AK8: variants seen among roughly 807,000 people sequenced by gnomAD.
The protein encoded by AK8 is adenylate kinase 8, also known as ATP-AMP transphosphorylase 8.
Under a neutral mutation model 54.6 loss-of-function variants are expected in AK8, and 44 were observed. The ratio of observed to expected loss-of-function variants is 0.81; its 90% CI spans 0.63 to 1.04. AK8 has a LOEUF of 1.04. Among genes scored for constraint, AK8 ranks in the 50% least tolerant of loss-of-function variants. The pLI is 0.00. For synonymous variants in AK8, 239 were observed against 245.6 expected (o/e 0.97, Z 0.25); for missense variants, 555 against 613.6 (o/e 0.90, Z 1.01).
chr9:132,761,316 G>T (rs1838463136), intron 11 of AK8, among the ~76,000 whole-genome samples: 1 of 145,706 alleles, frequency 6.9e-6, no homozygotes, highest in Admixed American at 7.0e-5. Context: ...ACCCAGGCTG[G>T]AGTGCAGTGG....
chr9:132,828,782 A>G lies in AK8; in HGVS notation c.403-56T>C. On this transcript the variant is annotated intron_variant, in intron 5 of 12. Coordinates refer to ENST00000298545, the MANE Select transcript of AK8 (RefSeq NM_152572.3). ...TGTTTTGAGTTTTAGATTTTTTGGA[A>G]TTATTTTAAAAGGAATATAATAGCT... 2.1e-6 allele frequency: 3 copies of G among 1,412,186 alleles called. No individual in the cohort carries two copies. In the South Asian group the frequency reaches 4.0e-5, roughly 19 times the overall value. 87.5% of individuals were successfully genotyped at this position (1,412,186 alleles called of 1,614,324 possible).
intron 2 of AK8, among the ~76,000 whole-genome samples, chr9:132,868,676 C>A (rs764456003): frequency 7.9e-5 from 12 of 152,190 alleles, no homozygotes; most frequent in Non-Finnish European, 1.6e-4. Context: ...AGGGCAGAGA[C>A]CGAGTCTTAT....
chr9:132,798,602 T>C (rs1564406825), intron 10 of AK8, among the ~76,000 whole-genome samples: 1 of 152,204 alleles, frequency 6.6e-6, no homozygotes, highest in Non-Finnish European at 1.5e-5. Context: ...GTTACCTCTC[T>C]GGAGTGTTCT....
chr9:132,873,292 A>G (rs1843936870), intron 2 of AK8, among the ~76,000 whole-genome samples: 1 of 152,236 alleles, frequency 6.6e-6, no homozygotes, highest in Non-Finnish European at 1.5e-5. Flanking sequence ...TACTGACCAG[A>G]CCAGAGTTTC....
intron 10 of AK8, among the ~76,000 whole-genome samples, chr9:132,795,899 GC>G (rs1431568786): frequency 2.0e-5 from 3 of 152,162 alleles, no homozygotes; most frequent in African/African-American, 7.2e-5. Context: ...AATAATCCAG[GC>G]CCACTAAGGC....
intron 1 of AK8, chr9:132,877,639 CG>C: frequency 3.0e-6 from 1 of 331,572 alleles, no homozygotes; most frequent in Non-Finnish European, 6.1e-6. Context: ...TCGGAGCTGC[CG>C]GGGACGTCTG....
intron 9 of AK8, among the ~76,000 whole-genome samples, chr9:132,816,951 G>A (rs1006902964): frequency 6.6e-6 from 1 of 152,176 alleles, no homozygotes; most frequent in South Asian, 2.1e-4. Flanking sequence ...AAATCTCATA[G>A]GGGTTCACTG....
At chr9:132,877,408 G>A (rs1315616953) in intron 1 of AK8, among the ~76,000 whole-genome samples, 1 of 152,146 alleles carries the variant, frequency 6.6e-6, no homozygotes, top group Non-Finnish European at 1.5e-5. Context: ...GGGATGGGGT[G>A]TACCCTGGGA....
intron 11 of AK8, among the ~76,000 whole-genome samples, chr9:132,733,299 G>A (rs906430537): frequency 2.0e-5 from 3 of 151,456 alleles, no homozygotes; most frequent in Non-Finnish European, 4.4e-5. Flanking sequence ...CATCCCTGAC[G>A]CTGTGAACAC....
chr9:132,826,761 GCCA>G lies in AK8; in HGVS notation c.757+90_757+92del, dbSNP rs1315503116. On this transcript the variant is annotated intron_variant, in intron 8 of 12. Coordinates refer to ENST00000298545, the MANE Select transcript of AK8 (RefSeq NM_152572.3). This position sits in a 1 kb window ranked among gnomAD's most constrained non-coding sequence, Gnocchi z 4.5. ...GGTCCCAGGCATGTCCCAGACACTG[GCCA>G]CTACCAGAATAAGGGACAAAGTGGT... 11 of 1,403,156 alleles carry G rather than the reference GCCA, an allele frequency of 7.8e-6. No individual in the cohort carries two copies. The East Asian group carries it at 2.3e-4, about 29-fold the overall frequency. 86.9% of individuals were successfully genotyped at this position (1,403,156 alleles called of 1,614,324 possible).
intron 2 of AK8, 94 bp from the exon 3 acceptor site, chr9:132,867,047 A>T (rs1843629579): frequency 8.0e-7 from 1 of 1,255,198 alleles, no homozygotes; most frequent in African/African-American, 1.5e-5. Context: ...CTCCCTCCCT[A>T]GATTTCATTT....
chr9:132,863,855 TC>T (rs1843486979), intron 3 of AK8, 77 bp from the exon 4 acceptor site: 3 of 1,075,306 alleles, frequency 2.8e-6, no homozygotes. Context: ...AATGCCCTGG[TC>T]CTTCCCTCTC....
intron 5 of AK8, among the ~76,000 whole-genome samples, chr9:132,847,844 G>C (rs1463103833): frequency 2.6e-5 from 4 of 152,094 alleles, no homozygotes; most frequent in Non-Finnish European, 5.9e-5. Context: ...AGCCGGGCAT[G>C]GTGGTGCGCG....
chr9:132,740,097 C>T (rs1055381388), intron 11 of AK8, among the ~76,000 whole-genome samples: 1 of 152,244 alleles, frequency 6.6e-6, no homozygotes, highest in Admixed American at 6.5e-5. Flanking sequence ...CACATTCAGA[C>T]CTCAGCAGCT....
chr9:132,848,115 C>CAA lies in AK8; in HGVS notation c.402+6740_402+6741dup, dbSNP rs796764891. ...TGGGCAACAGAGCAACACCCTGTTT[C>CAA]AAAAAAAAAAAAAAAAAAAAAAAAA... On this transcript the variant is annotated intron_variant, in intron 5 of 12. Transcript: ENST00000298545. 6.1e-3 allele frequency among the ~76,000 whole-genome samples: 319 copies of CAA among 52,480 alleles called. 30 individuals are homozygous for CAA. Among genetic ancestry groups the CAA allele is most frequent in the African/African-American group, 0.019 (260 of 13,818 alleles). 34.4% of individuals were successfully genotyped at this position (52,480 alleles called of 152,430 possible).
At chr9:132,726,221 T>C (rs1236750437) in intron 12 of AK8, among the ~76,000 whole-genome samples, 1 of 150,058 alleles carries the variant, frequency 6.7e-6, no homozygotes. Context: ...CTTCCCTCCT[T>C]CCTTCCTTCC....
intron 5 of AK8, among the ~76,000 whole-genome samples, chr9:132,840,439 C>T (rs1842493514): frequency 6.6e-6 from 1 of 151,840 alleles, no homozygotes; most frequent in African/African-American, 2.4e-5. Flanking sequence ...CACACACACA[C>T]ACACACACAA....
At chr9:132,731,719 C>G (rs540414089) in intron 11 of AK8, among the ~76,000 whole-genome samples, 3 of 152,190 alleles carry the variant, frequency 2.0e-5, no homozygotes. Flanking sequence ...TTCTTGAGAG[C>G]TCAGCTCTCT....
chr9:132,828,732 CAG>C lies in AK8; in HGVS notation c.403-8_403-7del. Reference sequence around the variant, plus strand: ...ATGCCATCCAGAATCCAGCCCTAGACAGAAGATTCAGAGAGGTGCTCATCTGT... The same window carrying C: ...ATGCCATCCAGAATCCAGCCCTAGACAAGATTCAGAGAGGTGCTCATCTGT... On this transcript the variant is annotated splice_polypyrimidine_tract_variant and splice_region_variant and intron_variant, in intron 5 of 12. Transcript: ENST00000298545. 6.2e-7 allele frequency: 1 copy of C among 1,603,360 alleles called. No homozygotes were observed. The highest frequency in any genetic ancestry group is 2.2e-5 in the East Asian group (1 of 44,534).
Sources: gnomAD v4.1 joint callset for allele counts (sites outside exome capture counted in the v4.1 genomes callset) on GRCh38, gnomAD v4.1.1 for gene constraint, Gnocchi (gnomAD v3.1) non-coding constraint, MANE v1.5 for transcripts, NCBI Gene and HGNC (gene_info 2026-07-23, HGNC 2026-07-21) for gene names.